Variants in KCND2 observed in about 807,000 individuals in gnomAD.
KCND2 encodes the protein A-type voltage-gated potassium channel KCND2.
A neutral mutation model predicts 54.4 loss-of-function variants in KCND2; 16 were observed. That is an observed-to-expected ratio of 0.29 (90% CI 0.20 to 0.45). KCND2 has a LOEUF of 0.45. Among genes scored for constraint, KCND2 ranks in the 20% least tolerant of loss-of-function variants. The pLI, the probability that KCND2 is intolerant of heterozygous loss-of-function variation, is 1.00. For missense variants in KCND2, 486 were observed against 824.2 expected (o/e 0.59, Z 5.02); for synonymous variants, 317 against 310.7 (o/e 1.02, Z -0.21).
intron 1 of KCND2, among the ~76,000 whole-genome samples, chr7:120,637,698 C>T (rs1056398770): frequency 3.3e-5 from 5 of 152,068 alleles, no homozygotes; most frequent in African/African-American, 1.2e-4. Flanking sequence ...AGAAATCCAT[C>T]TATGGTGAAT....
chr7:120,416,907 G>A (rs113555658), intron 1 of KCND2, among the ~76,000 whole-genome samples: 180 of 152,182 alleles, frequency 1.2e-3, no homozygotes, highest in African/African-American at 3.9e-3. Context: ...GTGCAGTGGC[G>A]CAATCTCAGC....
intron 1 of KCND2, among the ~76,000 whole-genome samples, chr7:120,605,333 T>C (rs1477680359): frequency 6.6e-6 from 1 of 152,224 alleles, no homozygotes; most frequent in Non-Finnish European, 1.5e-5. Context: ...TTTGTACCCT[T>C]TTGTATCTAG....
At chr7:120,689,099 A>G (rs1792238967) in intron 1 of KCND2, among the ~76,000 whole-genome samples, 1 of 152,158 alleles carries the variant, frequency 6.6e-6, no homozygotes, top group African/African-American at 2.4e-5. Flanking sequence ...GTGTCACTGT[A>G]GTACAGGGTC....
At chr7:120,361,387 C>T (rs1309057862) in intron 1 of KCND2, among the ~76,000 whole-genome samples, 1 of 148,886 alleles carries the variant, frequency 6.7e-6, no homozygotes, top group Non-Finnish European at 1.5e-5. Flanking sequence ...TTCTCTCTCG[C>T]TCTCTCTCTC....
At chr7:120,592,983 T>A (rs979762274) in intron 1 of KCND2, among the ~76,000 whole-genome samples, 1 of 152,226 alleles carries the variant, frequency 6.6e-6, no homozygotes, top group Non-Finnish European at 1.5e-5. Flanking sequence ...TAGAGAGATA[T>A]CTGTTGTCAA....
At chr7:120,379,316 A>G (rs1800882561) in intron 1 of KCND2, among the ~76,000 whole-genome samples, 2 of 152,058 alleles carry the variant, frequency 1.3e-5, no homozygotes, top group East Asian at 3.9e-4. Flanking sequence ...TGATTAATGA[A>G]TACTTCTTGC....
intron 1 of KCND2, among the ~76,000 whole-genome samples, chr7:120,378,429 G>A (rs1213797733): frequency 6.6e-6 from 1 of 151,902 alleles, no homozygotes; most frequent in African/African-American, 2.4e-5. Flanking sequence ...AACTCAGGTG[G>A]AAGTTTTTTT....
chr7:120,513,129 A>G (rs1030477950), intron 1 of KCND2, among the ~76,000 whole-genome samples: 4 of 152,062 alleles, frequency 2.6e-5, no homozygotes. Flanking sequence ...TGTGAAGTGA[A>G]TAATGAATGG....
In KCND2 at chr7:120,749,895, A is replaced by G. The variant is rs938599843; in HGVS notation, c.*2037A>G. 1 of 151,968 alleles carries G rather than the reference A, an allele frequency of 6.6e-6. No homozygotes were observed. The allele number at this position is 151,968 out of a possible 1,614,324, so 9.4% of individuals were successfully genotyped here. ...TTCTAAAAAGTAGACTAAGGAAACC[A>G]TAATCAGAATTACTATGTCTTTTGA... On this transcript the variant is annotated 3_prime_UTR_variant, in exon 6 of 6. Coordinates refer to ENST00000331113, the MANE Select transcript of KCND2 (RefSeq NM_012281.3).
intron 1 of KCND2, among the ~76,000 whole-genome samples, chr7:120,624,832 T>C (rs1793145518): frequency 6.6e-6 from 1 of 151,600 alleles, no homozygotes; most frequent in Non-Finnish European, 1.5e-5. Flanking sequence ...CAATCAAGTA[T>C]CTTCCATAGT....
chr7:120,666,380 C>T (rs1791927316), intron 1 of KCND2, among the ~76,000 whole-genome samples: 1 of 151,642 alleles, frequency 6.6e-6, no homozygotes, highest in Non-Finnish European at 1.5e-5. Flanking sequence ...TGTCAGGACC[C>T]AGTTTCTTTC....
intron 1 of KCND2, among the ~76,000 whole-genome samples, chr7:120,338,485 T>C (rs1199933997): frequency 6.6e-6 from 1 of 152,128 alleles, no homozygotes; most frequent in Non-Finnish European, 1.5e-5. Context: ...AGATAGATTT[T>C]TTAAAGCATA....
intron 1 of KCND2, among the ~76,000 whole-genome samples, chr7:120,556,250 T>A (rs1792161585): frequency 6.6e-6 from 1 of 152,066 alleles, no homozygotes; most frequent in African/African-American, 2.4e-5. Flanking sequence ...ATGAATAAAT[T>A]CCCCTGGTGA....
intron 1 of KCND2, among the ~76,000 whole-genome samples, chr7:120,456,542 C>T (rs1206354270): frequency 1.3e-5 from 2 of 152,188 alleles, no homozygotes; most frequent in African/African-American, 4.8e-5. Flanking sequence ...TACCCAATAA[C>T]ATCACAATAA....
intron 1 of KCND2, among the ~76,000 whole-genome samples, chr7:120,677,552 T>TAG (rs200870128): frequency 2.2e-5 from 3 of 137,892 alleles, no homozygotes; most frequent in African/African-American, 9.2e-5. Flanking sequence ...GATATAGATA[T>TAG]ATAGATATAT....
intron 1 of KCND2, among the ~76,000 whole-genome samples, chr7:120,489,339 A>G (rs1189468733): frequency 6.6e-6 from 1 of 152,066 alleles, no homozygotes; most frequent in Non-Finnish European, 1.5e-5. Context: ...TAATACATAT[A>G]CAATATACAA....
intron 1 of KCND2, among the ~76,000 whole-genome samples, chr7:120,602,329 G>A (rs1474848663): frequency 1.3e-5 from 2 of 152,088 alleles, no homozygotes; most frequent in East Asian, 1.9e-4. Context: ...TTCCACAAGT[G>A]CACCACTGAG....
intron 1 of KCND2, among the ~76,000 whole-genome samples, chr7:120,643,714 C>T (rs1793404696): frequency 6.6e-6 from 1 of 151,462 alleles, no homozygotes; most frequent in South Asian, 2.1e-4. Context: ...ATATTACATA[C>T]ATACAGTGCA....
chr7:120,486,715 G>A (rs1802699764), intron 1 of KCND2, among the ~76,000 whole-genome samples: 1 of 150,066 alleles, frequency 6.7e-6, no homozygotes. Context: ...AGTTTGAATA[G>A]CACTGGACTT....
Sources: allele counts gnomAD v4.1 joint callset (sites outside exome capture counted in the v4.1 genomes callset), GRCh38; gene constraint gnomAD v4.1.1; transcripts MANE v1.5; gene names NCBI Gene and HGNC (gene_info 2026-07-23, HGNC 2026-07-21).